The following FIRRM variants were observed in gnomAD, a reference collection of about 807,000 sequenced individuals.
The protein encoded by FIRRM is FIGNL1-interacting regulator of recombination and mitosis.
chr1:169,813,446 T>A, the FIRRM span, among the ~76,000 whole-genome samples: 2 of 152,196 alleles, frequency 1.3e-5, no homozygotes, highest in Non-Finnish European at 2.9e-5. Flanking sequence ...CTCACACATA[T>A]TACACAAGTA....
the FIRRM span, among the ~76,000 whole-genome samples, chr1:169,813,190 A>G: frequency 2.6e-5 from 4 of 152,266 alleles, no homozygotes; most frequent in African/African-American, 4.8e-5. Flanking sequence ...TGGAACAACC[A>G]ATATTTATTG....
the FIRRM span, chr1:169,832,449 C>T: frequency 6.2e-7 from 1 of 1,613,710 alleles, no homozygotes; most frequent in Non-Finnish European, 8.5e-7. Context: ...GTTATCAACT[C>T]ATCAACCTAT....
chr1:169,800,276 C>A, the FIRRM span, among the ~76,000 whole-genome samples: 1 of 152,008 alleles, frequency 6.6e-6, no homozygotes, highest in Non-Finnish European at 1.5e-5. Flanking sequence ...AACTCCTGGG[C>A]TCAGACAGTC....
the FIRRM span, chr1:169,853,002 C>A: frequency 6.2e-7 from 1 of 1,612,232 alleles, no homozygotes; most frequent in Non-Finnish European, 8.5e-7. Flanking sequence ...TATCACTAGG[C>A]AGAACTGGGT....
the FIRRM span, among the ~76,000 whole-genome samples, chr1:169,848,175 A>C: frequency 6.6e-6 from 1 of 152,142 alleles, no homozygotes; most frequent in Non-Finnish European, 1.5e-5. Context: ...CATGAAAGAG[A>C]ACCTGTTTTT....
At chr1:169,808,571 T>C in the FIRRM span, among the ~76,000 whole-genome samples, 45 of 151,880 alleles carry the variant, frequency 3.0e-4, no homozygotes, top group African/African-American at 1.0e-3. Context: ...AATTATAAGA[T>C]TAATAGTACT....
At chr1:169,792,179 G>T in the FIRRM span, among the ~76,000 whole-genome samples, 1 of 152,224 alleles carries the variant, frequency 6.6e-6, no homozygotes, top group East Asian at 1.9e-4. Flanking sequence ...ATTTACATAA[G>T]GCCCCAACCT....
chr1:169,853,314 A>AGTT, the FIRRM span: 2 of 338,198 alleles, frequency 5.9e-6, no homozygotes, highest in African/African-American at 2.1e-5. Flanking sequence ...AATTTTTTAA[A>AGTT]GTTGTATTTC....
chr1:169,834,464 T>G, the FIRRM span, among the ~76,000 whole-genome samples: 1 of 148,260 alleles, frequency 6.7e-6, no homozygotes, highest in African/African-American at 2.5e-5. Context: ...TCTCCTCTCC[T>G]GCTTGGCTCT....
chr1:169,802,564 C>A, the FIRRM span: 1 of 1,224,934 alleles, frequency 8.2e-7, no homozygotes, highest in Non-Finnish European at 1.2e-6. Flanking sequence ...AAAGTTTTGT[C>A]TTGTCTTTTC....
the FIRRM span, among the ~76,000 whole-genome samples, chr1:169,790,289 C>A: frequency 6.6e-6 from 1 of 151,980 alleles, no homozygotes; most frequent in Non-Finnish European, 1.5e-5. Flanking sequence ...GTGCTTCTCA[C>A]GATTCTCTTG....
the FIRRM span, chr1:169,795,313 A>G: frequency 2.8e-6 from 4 of 1,440,240 alleles, no homozygotes; most frequent in Non-Finnish European, 3.7e-6. Flanking sequence ...GCTGGGTTAT[A>G]TTACCGCGGC....
At chr1:169,844,814 G>A in the FIRRM span, among the ~76,000 whole-genome samples, 6 of 152,074 alleles carry the variant, frequency 3.9e-5, no homozygotes, top group African/African-American at 7.2e-5. Context: ...TTCTAAATAA[G>A]TAGATTGTTC....
At chr1:169,801,486 T>C in the FIRRM span, among the ~76,000 whole-genome samples, 1 of 149,694 alleles carries the variant, frequency 6.7e-6, no homozygotes, top group Non-Finnish European at 1.5e-5. Context: ...ATTTTCAGAT[T>C]GTGTGGTTCC....
At chr1:169,839,611 G>A in the FIRRM span, among the ~76,000 whole-genome samples, 2 of 152,072 alleles carry the variant, frequency 1.3e-5, no homozygotes, top group African/African-American at 4.8e-5. Flanking sequence ...ACTTGTTCAG[G>A]TGTTTAAGTT....
chr1:169,837,330 A>G, the FIRRM span, among the ~76,000 whole-genome samples: 4 of 152,172 alleles, frequency 2.6e-5, no homozygotes, highest in African/African-American at 4.8e-5. Flanking sequence ...GTTGTTTCCT[A>G]TGTCGCTTAA....
At chr1:169,853,931 A>C in the FIRRM span, 1 of 794,942 alleles carries the variant, frequency 1.3e-6, no homozygotes, top group East Asian at 2.6e-5. Context: ...AGAAAGTTGA[A>C]AAGTAGGATT....
chr1:169,816,240 G>A, the FIRRM span, among the ~76,000 whole-genome samples: 8 of 152,126 alleles, frequency 5.3e-5, no homozygotes, highest in African/African-American at 1.7e-4. Context: ...ATTCCAGTAT[G>A]GGCCCAGAAT....
the FIRRM span, among the ~76,000 whole-genome samples, chr1:169,845,113 T>A: frequency 5.9e-5 from 9 of 152,316 alleles, no homozygotes; most frequent in Admixed American, 5.9e-4. Flanking sequence ...ACAGAGAGAT[T>A]ACAGGTTGTG....
Sources: allele counts gnomAD v4.1 joint callset (sites outside exome capture counted in the v4.1 genomes callset), GRCh38; gene constraint gnomAD v4.1.1; transcripts MANE v1.5; gene names NCBI Gene and HGNC (gene_info 2026-07-23, HGNC 2026-07-21).